Variants in NBEAL1 observed in about 807,000 individuals in gnomAD.
NBEAL1 encodes neurobeachin-like protein 1.
NBEAL1 carries 273 observed loss-of-function variants against 351.3 expected under a neutral mutation model. The ratio of observed to expected loss-of-function variants is 0.78; its 90% CI spans 0.70 to 0.86. The LOEUF is 0.86. Among genes scored for constraint, NBEAL1 ranks in the 40% least tolerant of loss-of-function variants. The pLI, the probability that NBEAL1 is intolerant of heterozygous loss-of-function variation, is 0.00. For synonymous variants in NBEAL1, 1,050 were observed against 1,086.4 expected, an observed-to-expected ratio of 0.97 and a Z score of 0.66; for missense variants, 2,961 against 3,201.3, an observed-to-expected ratio of 0.92 and a Z score of 1.81.
At chr2:203,173,166 CT>C (rs1288006915) in intron 41 of NBEAL1, among the ~76,000 whole-genome samples, 1 of 152,058 alleles carries the variant, frequency 6.6e-6, no homozygotes, top group Non-Finnish European at 1.5e-5. Flanking sequence ...ATGTTTTAAA[CT>C]TTATAACTTA....
At chr2:203,022,518 G>A (rs1361605202) in intron 2 of NBEAL1, among the ~76,000 whole-genome samples, 1 of 151,984 alleles carries the variant, frequency 6.6e-6, no homozygotes, top group Non-Finnish European at 1.5e-5. Context: ...TAGTTTCTTT[G>A]TATCTCAGTT....
Position 203,180,513 on chromosome 2 carries a change from G to C in NBEAL1, c.6595+1G>C, listed in dbSNP as rs371479430. ...CCAGAGTTTTTGGAAAATCAAAATC[G>C]TAAGAAATAGAGGATTAAAAATTTG... On this transcript the variant is annotated splice_donor_variant, in intron 43 of 55. Transcript: ENST00000683969. LOFTEE classifies it high-confidence loss of function. 1.2e-6 allele frequency: 2 copies of C among 1,603,938 alleles called. No homozygotes were observed. Among genetic ancestry groups the C allele is most frequent in the Admixed American group, 3.4e-5 (2 of 59,140 alleles).
At chr2:203,110,988 T>C (rs1221007839) in intron 15 of NBEAL1, among the ~76,000 whole-genome samples, 1 of 151,810 alleles carries the variant, frequency 6.6e-6, no homozygotes, top group Non-Finnish European at 1.5e-5. Flanking sequence ...ATGGTCTTGA[T>C]CTCTTGACCT....
intron 2 of NBEAL1, chr2:203,040,498 C>A: frequency 1.5e-6 from 1 of 681,304 alleles, no homozygotes; most frequent in South Asian, 1.4e-5. Context: ...CCTAAAAATG[C>A]TGCTTATAGT....
chr2:203,089,079 C>G (rs927151970), intron 10 of NBEAL1, among the ~76,000 whole-genome samples: 4 of 152,098 alleles, frequency 2.6e-5, no homozygotes, highest in African/African-American at 9.7e-5. Context: ...TCACTTTAGG[C>G]CAGACGCGGT....
At chr2:203,016,003 A>G (rs1486051550) in intron 1 of NBEAL1, 153 bp from the exon 2 acceptor site, 1 of 159,534 alleles carries the variant, frequency 6.3e-6, no homozygotes, top group Admixed American at 6.4e-5. Context: ...TGTTTTCCTG[A>G]AACACAAGTT....
intron 2 of NBEAL1, among the ~76,000 whole-genome samples, chr2:203,023,804 C>T (rs1199114696): frequency 6.6e-6 from 1 of 151,980 alleles, no homozygotes; most frequent in Admixed American, 6.6e-5. Flanking sequence ...TGAGAGTTCT[C>T]ATATTGGGAA....
Position 203,099,682 on chromosome 2 carries a change from C to T in NBEAL1, c.1239C>T (p.Thr413=), listed in dbSNP as rs772574709. The T allele has an allele frequency of 2.1e-5, 33 of 1,550,788 alleles. No homozygotes were observed. The highest frequency in any genetic ancestry group is 1.7e-4 in the Middle Eastern group (1 of 6,002). Reference sequence around the variant, plus strand: ...CCATATCAACCATTCAGGCTTTGACCGCAGTAATGAACAAATCTCCAGCTG... The same window carrying T: ...CCATATCAACCATTCAGGCTTTGACTGCAGTAATGAACAAATCTCCAGCTG... ...CLAISTIQAL[T]AVMNKSPAAK... Residue 413 remains threonine, a synonymous_variant, in exon 12 of 56, where the codon ACC becomes ACT. Coordinates refer to ENST00000683969, the MANE Select transcript of NBEAL1 (RefSeq NM_001378026.1).
chr2:203,118,873 G>C (rs2062759432), intron 18 of NBEAL1, among the ~76,000 whole-genome samples: 1 of 152,102 alleles, frequency 6.6e-6, no homozygotes, highest in South Asian at 2.1e-4. Context: ...ACAGGCATGA[G>C]CCACCGCACT....
chr2:203,163,117 A>G (rs1444901418), intron 36 of NBEAL1, among the ~76,000 whole-genome samples: 4 of 152,246 alleles, frequency 2.6e-5, no homozygotes, highest in Non-Finnish European at 5.9e-5. Context: ...AGATTGCACC[A>G]CTGCACTCCA....
chr2:203,183,346 TA>T lies in NBEAL1; in HGVS notation c.6666del (p.Lys2222AsnfsTer27), dbSNP rs2064789925. 6.3e-7 allele frequency: 1 copy of T among 1,599,472 alleles called. No individual in the cohort carries two copies. The highest frequency in any genetic ancestry group is 1.7e-5 in the Admixed American group (1 of 57,394). On this transcript the variant is annotated frameshift_variant, in exon 44 of 56. Coordinates refer to ENST00000683969, the MANE Select transcript of NBEAL1 (RefSeq NM_001378026.1). LOFTEE classifies it high-confidence loss of function. ...VNDVILPKWA[K>X]SAEDFIYKHR... ...ATGATGTCATTCTCCCGAAATGGGCTAAATCAGCTGAAGATTTCATCTATAA... is the reference window on the plus strand; with the variant it reads ...ATGATGTCATTCTCCCGAAATGGGCTAATCAGCTGAAGATTTCATCTATAA...
chr2:203,101,515 G>A (rs1401928195), intron 12 of NBEAL1, among the ~76,000 whole-genome samples: 1 of 152,136 alleles, frequency 6.6e-6, no homozygotes, highest in African/African-American at 2.4e-5. Context: ...TTTTAAAATA[G>A]GTTTTTCTAA....
chr2:203,053,254 T>C (rs187615381), intron 4 of NBEAL1, among the ~76,000 whole-genome samples: 20 of 152,298 alleles, frequency 1.3e-4, no homozygotes, highest in African/African-American at 4.6e-4. Context: ...TACTATTCTT[T>C]TATATTTTAG....
chr2:203,084,409 G>A (rs2106168061), intron 9 of NBEAL1, 54 bp from the exon 10 acceptor site: 1 of 887,890 alleles, frequency 1.1e-6, no homozygotes, highest in Middle Eastern at 2.4e-4. Context: ...GTAAATGTTT[G>A]TATGATCCCA....
intron 12 of NBEAL1, among the ~76,000 whole-genome samples, chr2:203,103,420 T>C (rs2062369476): frequency 6.6e-6 from 1 of 152,034 alleles, no homozygotes. Flanking sequence ...TACAGGCACA[T>C]GCCACCATGC....
chr2:203,107,943 A>G lies in NBEAL1; in HGVS notation c.1704A>G (p.Glu568=). 1 of 1,554,094 alleles carries G rather than the reference A, an allele frequency of 6.4e-7. No individual in the cohort carries two copies. Among genetic ancestry groups the G allele is most frequent in the East Asian group, 2.4e-5 (1 of 41,580 alleles). ...RRLLRLLRVD[E]SESVHPYVTP... is the part of the protein sequence containing the mutation. ...TACTGAGATTGCTGAGAGTGGATGA[A>G]TCTGAGTCTGTTCACCCTTATGTCA... The change falls in exon 14 of 56, where the codon GAA becomes GAG. Residue 568 remains glutamate, a synonymous_variant. Transcript: ENST00000683969.
chr2:203,108,548 G>T (rs1283095308), intron 14 of NBEAL1, among the ~76,000 whole-genome samples: 1 of 151,710 alleles, frequency 6.6e-6, no homozygotes, highest in Non-Finnish European at 1.5e-5. Flanking sequence ...ACAGGCACCC[G>T]CCACCACGCC....
At chr2:203,213,392 A>G in intron 54 of NBEAL1, 126 bp from the exon 55 acceptor site, 1 of 825,450 alleles carries the variant, frequency 1.2e-6, no homozygotes, top group Non-Finnish European at 1.8e-6. Context: ...TCTGGACACA[A>G]GTTCCCACAT....
Position 203,144,761 on chromosome 2 carries a change from T to C in NBEAL1, c.5010T>C (p.Arg1670=). 6.2e-7 allele frequency: 1 copy of C among 1,614,176 alleles called. No homozygotes were observed. The highest frequency in any genetic ancestry group is 8.5e-7 in the Non-Finnish European group (1 of 1,180,016). ...ACTCATTTCTGATTCCCCTTGTTCG[T>C]ACCCTGGTTTCCAAAATTTATGAGC... ...EIYSFLIPLV[R]TLVSKIYELL... The change falls in exon 32 of 56, where the codon CGT becomes CGC. Residue 1670 remains arginine (R), a synonymous_variant. Transcript: ENST00000683969.
Sources: gnomAD v4.1 joint callset for allele counts (sites outside exome capture counted in the v4.1 genomes callset) on GRCh38, gnomAD v4.1.1 for gene constraint, MANE v1.5 for transcripts, NCBI Gene and HGNC (gene_info 2026-07-23, HGNC 2026-07-21) for gene names.